The following FHIT variants were observed in gnomAD, a reference collection of about 807,000 sequenced individuals.
FHIT encodes fragile histidine triad diadenosine triphosphatase, also known as bis(5'-adenosyl)-triphosphatase.
Under a neutral mutation model 17.9 loss-of-function variants are expected in FHIT, and 19 were observed. That is an observed-to-expected ratio of 1.06 (90% CI 0.74 to 1.56). FHIT has a LOEUF of 1.56. FHIT is among the 40% of genes most tolerant of loss of function. The pLI is 0.00. For missense variants in FHIT, 248 were observed against 189.2 expected (o/e 1.31, Z -1.82); for synonymous variants, 81 against 69.7 (o/e 1.16, Z -0.81).
intron 4 of FHIT, among the ~76,000 whole-genome samples, chr3:60,578,340 C>T (rs2856019): frequency 6.6e-6 from 1 of 151,802 alleles, no homozygotes; most frequent in Non-Finnish European, 1.5e-5. Flanking sequence ...AGGAGGCTGA[C>T]GCAGGAGAAT....
chr3:60,429,258 T>C (rs1482912087), intron 5 of FHIT, among the ~76,000 whole-genome samples: 1 of 152,036 alleles, frequency 6.6e-6, no homozygotes, highest in Non-Finnish European at 1.5e-5. Flanking sequence ...TTTTAAAAGA[T>C]TTCACTGATT....
At chr3:60,218,597 G>A (rs770256820) in intron 5 of FHIT, among the ~76,000 whole-genome samples, 2 of 151,984 alleles carry the variant, frequency 1.3e-5, no homozygotes, top group Non-Finnish European at 2.9e-5. Context: ...CAAACCTTTC[G>A]ATCTTACAGA....
intron 1 of FHIT, among the ~76,000 whole-genome samples, chr3:61,207,238 T>C (rs2039271702): frequency 6.6e-6 from 1 of 152,128 alleles, no homozygotes; most frequent in African/African-American, 2.4e-5. Flanking sequence ...TTATTGAGGG[T>C]TTCTGCATTG....
chr3:60,455,058 A>T (rs1201233146), intron 5 of FHIT, among the ~76,000 whole-genome samples: 1 of 152,168 alleles, frequency 6.6e-6, no homozygotes, highest in Non-Finnish European at 1.5e-5. Context: ...TATATATTTT[A>T]AATTTCCTTA....
intron 5 of FHIT, among the ~76,000 whole-genome samples, chr3:60,210,211 G>C (rs1471447087): frequency 6.6e-6 from 1 of 152,102 alleles, no homozygotes; most frequent in Non-Finnish European, 1.5e-5. Flanking sequence ...GGAGAAGATG[G>C]AGTTTTGATA....
chr3:61,211,350 A>G (rs192263528), intron 1 of FHIT, among the ~76,000 whole-genome samples: 1 of 152,320 alleles, frequency 6.6e-6, no homozygotes, highest in Admixed American at 6.5e-5. Flanking sequence ...CCAGAAGATT[A>G]TATCCCACAC....
At chr3:61,135,584 CACACACACACACACAT>C (rs926629985) in intron 2 of FHIT, among the ~76,000 whole-genome samples, 3 of 34,316 alleles carry the variant, frequency 8.7e-5, no homozygotes, top group Admixed American at 4.3e-4. Flanking sequence ...TGTGTTCGAA[CACACACACACACACAT>C]ACACACACAC....
intron 5 of FHIT, among the ~76,000 whole-genome samples, chr3:60,261,777 T>C (rs548760297): frequency 6.6e-6 from 1 of 150,970 alleles, no homozygotes; most frequent in South Asian, 2.1e-4. Context: ...GCCCTTCTCC[T>C]CTGAAGCAGA....
intron 5 of FHIT, among the ~76,000 whole-genome samples, chr3:60,226,902 CTAT>C (rs1477984940): frequency 7.9e-5 from 6 of 75,922 alleles, no homozygotes; most frequent in African/African-American, 2.9e-4. Flanking sequence ...GCTAGAACAT[CTAT>C]CTACCTAACG....
chr3:60,355,543 T>A (rs891099423), intron 5 of FHIT, among the ~76,000 whole-genome samples: 4 of 152,002 alleles, frequency 2.6e-5, no homozygotes, highest in African/African-American at 7.2e-5. Flanking sequence ...CTGCATACAA[T>A]TTTTAATGTT....
At chr3:61,176,384 C>T (rs12635622) in intron 2 of FHIT, among the ~76,000 whole-genome samples, 70,700 of 152,118 alleles carry the variant, frequency 0.46, 17,324 homozygotes, top group East Asian at 0.87. Flanking sequence ...GTGTGAGACA[C>T]ACAAAAAATT....
At chr3:60,555,242 A>G (rs1269003343) in intron 4 of FHIT, among the ~76,000 whole-genome samples, 1 of 152,208 alleles carries the variant, frequency 6.6e-6, no homozygotes, top group African/African-American at 2.4e-5. Context: ...ATGTCGGTTA[A>G]AGGAAATCAT....
chr3:60,156,940 T>C (rs928532979), intron 5 of FHIT, among the ~76,000 whole-genome samples: 8 of 152,056 alleles, frequency 5.3e-5, no homozygotes, highest in African/African-American at 1.9e-4. Context: ...TGTAGTTATA[T>C]ATTAAATATA....
chr3:60,852,850 A>AT (rs1204353250), intron 3 of FHIT, among the ~76,000 whole-genome samples: 5 of 151,966 alleles, frequency 3.3e-5, no homozygotes, highest in African/African-American at 9.7e-5. Flanking sequence ...AAAAATCAAG[A>AT]TTTTTTCAAA....
intron 5 of FHIT, among the ~76,000 whole-genome samples, chr3:60,325,133 A>G (rs1445000222): frequency 6.6e-6 from 1 of 152,136 alleles, no homozygotes; most frequent in Non-Finnish European, 1.5e-5. Context: ...TATTATTCAT[A>G]TATGTTTTTA....
At chr3:59,937,538 G>T (rs545349228) in intron 7 of FHIT, among the ~76,000 whole-genome samples, 1 of 152,160 alleles carries the variant, frequency 6.6e-6, no homozygotes, top group Admixed American at 6.5e-5. Flanking sequence ...CTGGGCCCAC[G>T]TGCAACATTT....
At chr3:60,155,017 T>G (rs1014270164) in intron 5 of FHIT, among the ~76,000 whole-genome samples, 1 of 151,772 alleles carries the variant, frequency 6.6e-6, no homozygotes, top group Non-Finnish European at 1.5e-5. Context: ...CTGGGCAACA[T>G]AGTGAGATCC....
intron 5 of FHIT, among the ~76,000 whole-genome samples, chr3:60,361,320 C>T (rs1699897642): frequency 6.6e-6 from 1 of 152,128 alleles, no homozygotes; most frequent in African/African-American, 2.4e-5. Context: ...ATTGGAACAG[C>T]ATCTCAAGAG....
chr3:60,573,234 G>A (rs1345541892), intron 4 of FHIT, among the ~76,000 whole-genome samples: 3 of 152,158 alleles, frequency 2.0e-5, no homozygotes, highest in Non-Finnish European at 2.9e-5. Flanking sequence ...ATAACTGTGT[G>A]ATATTGCACT....
Sources: allele counts gnomAD v4.1 joint callset (sites outside exome capture counted in the v4.1 genomes callset), GRCh38; gene constraint gnomAD v4.1.1; transcripts MANE v1.5; gene names NCBI Gene and HGNC (gene_info 2026-07-23, HGNC 2026-07-21).